FHDC1: variants seen among roughly 807,000 people sequenced by gnomAD.
The protein encoded by FHDC1 is FH2 domain containing 1, also known as FH2 domain-containing protein 1.
A neutral mutation model predicts 52.6 loss-of-function variants in FHDC1; 25 were observed. The observed-to-expected ratio is 0.48, with a 90% CI of 0.35 to 0.66. The LOEUF (loss-of-function observed/expected upper bound fraction) is 0.66, where lower values mean the gene tolerates loss of function less well. Among genes scored for constraint, FHDC1 ranks in the 30% least tolerant of loss-of-function variants. The probability of loss-of-function intolerance (pLI) is 0.01; values close to 1 mark genes in which losing one functional copy is unlikely to be tolerated. For synonymous variants in FHDC1, 616 were observed against 581.5 expected (o/e 1.06, Z -0.85); for missense variants, 1,459 against 1,452.8 (o/e 1.00, Z -0.07).
intron 2 of FHDC1, among the ~76,000 whole-genome samples, chr4:152,944,783 T>G (rs898988066): frequency 3.3e-5 from 5 of 152,264 alleles, no homozygotes; most frequent in Non-Finnish European, 7.3e-5. Context: ...GTGCCGTCAG[T>G]GCTGAACACA....
chr4:152,937,238 G>A (rs956051738), intron 1 of FHDC1, among the ~76,000 whole-genome samples: 1 of 152,200 alleles, frequency 6.6e-6, no homozygotes, highest in Non-Finnish European at 1.5e-5. Context: ...GACCTGGATG[G>A]GGGACGTGGG....
At position 152,943,278 on chromosome 4, in the gene FHDC1, C is replaced by T. The variant is rs1300736760; in HGVS notation, c.221C>T (p.Pro74Leu). ...PPLPGEPPIP[P>L]PPPGLPPTTH... ...CTTCCTGGGGAGCCTCCCATCCCACCTCCCCCACCAGGCCTACCCCCAACT... is the reference window on the plus strand; with the variant it reads ...CTTCCTGGGGAGCCTCCCATCCCACTTCCCCCACCAGGCCTACCCCCAACT... The change falls in exon 2 of 12, where the codon CCT (proline) becomes CTT (leucine). Residue 74 changes from proline to leucine, a missense_variant. This residue lies in a region of FHDC1 where 513 missense variants were observed against 581.5 expected (regional missense o/e 0.88). Transcript: ENST00000511601. The T allele has an allele frequency of 2.5e-6, 4 of 1,609,582 alleles. No individual in the cohort carries two copies. The African/African-American group carries it at 5.4e-5, about 22-fold the overall frequency.
Position 152,974,840 on chromosome 4 carries a change from C to G in FHDC1, c.1549C>G (p.Pro517Ala), listed in dbSNP as rs370081166. 1.4e-5 allele frequency: 23 copies of G among 1,599,208 alleles called. No individual in the cohort carries two copies. Among genetic ancestry groups the G allele is most frequent in the Non-Finnish European group, 1.8e-5 (21 of 1,170,204 alleles). ...CAAGAAGGGTGCAGAGGGCCTGCTC[C>G]CTTTCCTGCACCCCAGGCCCATCAG... ...LTKKGAEGLLPFLHPRPISPS... is the reference protein window; with the variant it reads ...LTKKGAEGLLAFLHPRPISPS... The change falls in exon 12 of 12, where the codon CCT becomes GCT. Residue 517 changes from proline (P) to alanine (A), a missense_variant. Physicochemically the swap from Pro to Ala is conservative, Grantham distance 27. Coordinates refer to ENST00000511601, the MANE Select transcript of FHDC1 (RefSeq NM_001371116.1).
At chr4:152,951,719 A>G (rs1040017526) in intron 2 of FHDC1, among the ~76,000 whole-genome samples, 2 of 152,194 alleles carry the variant, frequency 1.3e-5, no homozygotes, top group South Asian at 4.1e-4. Flanking sequence ...GAAGAGCATT[A>G]TAACAACATT....
chr4:152,963,507 G>T (rs1327901382), intron 8 of FHDC1, among the ~76,000 whole-genome samples: 2 of 152,150 alleles, frequency 1.3e-5, no homozygotes, highest in African/African-American at 2.4e-5. Flanking sequence ...GTGGAGGCTG[G>T]GTTAGAGTAG....
Position 152,943,234 on chromosome 4 carries a change from T to TCCCCCC in FHDC1, c.179_180insCCCCCC (p.Pro64_Pro65dup). On this transcript the variant is annotated inframe_insertion, in exon 2 of 12. Coordinates refer to ENST00000511601, the MANE Select transcript of FHDC1 (RefSeq NM_001371116.1). The stretch of plus-strand genomic sequence containing the variant: ...GGGAAGAGTGTCCTTCCTCCCCTCC[T>TCCCCCC]CCACCCCCACCACCTCCACTTCCTG... 1.1e-5 allele frequency: 12 copies of TCCCCCC among 1,107,458 alleles called. No homozygotes were observed. Among genetic ancestry groups the TCCCCCC allele is most frequent in the South Asian group, 6.8e-5 (5 of 73,504 alleles). The allele number at this position is 1,107,458 out of a possible 1,614,324, so 68.6% of individuals were successfully genotyped here.
chr4:152,927,949 G>C, the FHDC1 span: 1 of 1,467,108 alleles, frequency 6.8e-7, no homozygotes, highest in Non-Finnish European at 9.5e-7. Flanking sequence ...ACAACAGTGT[G>C]AAAAGACTGA....
chr4:152,928,216 T>C, the FHDC1 span: 1 of 752,160 alleles, frequency 1.3e-6, no homozygotes, highest in Non-Finnish European at 2.5e-6. Flanking sequence ...CTAGTTTCTC[T>C]GTCCTTACAC....
the FHDC1 span, chr4:152,911,747 G>C: frequency 1.3e-5 from 2 of 152,526 alleles, no homozygotes; most frequent in East Asian, 3.8e-4. Context: ...TAATGTGATT[G>C]TAAATCATAC....
chr4:152,972,257 CT>C (rs1429027264), intron 10 of FHDC1, 119 bp from the exon 11 acceptor site: 6 of 1,059,260 alleles, frequency 5.7e-6, no homozygotes, highest in Non-Finnish European at 7.9e-6. Context: ...ATAAACCTTC[CT>C]TTTCCAAGAC....
chr4:152,973,480 C>G (rs139320406), intron 11 of FHDC1, among the ~76,000 whole-genome samples: 1 of 152,216 alleles, frequency 6.6e-6, no homozygotes, highest in Non-Finnish European at 1.5e-5. Flanking sequence ...TGGTGGGTGT[C>G]AAGGCCAAGT....
At position 152,976,448 on chromosome 4, in the gene FHDC1, C is replaced by T. The variant is rs769364032; in HGVS notation, c.3157C>T (p.Pro1053Ser). 1.2e-6 allele frequency: 2 copies of T among 1,613,730 alleles called. No homozygotes were observed. Among genetic ancestry groups the T allele is most frequent in the Non-Finnish European group, 8.5e-7 (1 of 1,180,044 alleles). The change falls in exon 12 of 12, where the codon CCC (proline) becomes TCC (serine). Residue 1053 changes from proline to serine, a missense_variant. Around this residue, in one of 3 missense-constraint regions of FHDC1, gnomAD observed 939 missense variants for 854.5 expected, o/e 1.10. Transcript: ENST00000511601. The stretch of plus-strand genomic sequence containing the variant: ...TCGAAGCATGAGAACAGATCTTCCT[C>T]CCGTGGCCAAAGCCCCCGGCATCAC... Reference protein sequence around the residue: ...SSRSMRTDLPPVAKAPGITRT... With the variant: ...SSRSMRTDLPSVAKAPGITRT...
intron 10 of FHDC1, 152 bp from the exon 11 acceptor site, chr4:152,972,225 C>A: frequency 1.4e-6 from 1 of 703,496 alleles, no homozygotes; most frequent in Non-Finnish European, 2.2e-6. Flanking sequence ...TTCCTTTTGG[C>A]TCTGATTGCA....
the FHDC1 span, among the ~76,000 whole-genome samples, chr4:152,919,082 T>G: frequency 6.6e-6 from 1 of 152,280 alleles, no homozygotes; most frequent in East Asian, 1.9e-4. Flanking sequence ...GGTCACTCAA[T>G]GTTTTCAATA....
At chr4:152,914,581 G>A in the FHDC1 span, among the ~76,000 whole-genome samples, 2 of 152,194 alleles carry the variant, frequency 1.3e-5, no homozygotes, top group Non-Finnish European at 2.9e-5. Context: ...CAAAATCACA[G>A]TTTTGTTTGG....
At chr4:152,960,720 C>T (rs751586117) in intron 5 of FHDC1, 24 bp from the exon 6 acceptor site, 18 of 1,610,468 alleles carry the variant, frequency 1.1e-5, no homozygotes, top group Non-Finnish European at 1.4e-5. Context: ...TCAAATTCTA[C>T]AGTTTTACTT....
At chr4:152,953,396 C>A in intron 2 of FHDC1, 103 bp from the exon 3 acceptor site, 1 of 835,616 alleles carries the variant, frequency 1.2e-6, no homozygotes, top group Non-Finnish European at 1.9e-6. Context: ...GAATTATTCT[C>A]TGATAAATTA....
chr4:152,966,258 TGGAA>T lies in FHDC1; in HGVS notation c.1100+1286_1100+1289del, dbSNP rs568596683. Among the ~76,000 whole-genome samples the T allele has an allele frequency of 4.2e-3, 636 of 152,286 alleles. 2 individuals carry two copies. The highest frequency in any genetic ancestry group is 6.4e-3 in the Non-Finnish European group (438 of 68,016). The stretch of plus-strand genomic sequence containing the variant: ...ATTCAGCAAGCTTGTTTATTTGAAA[TGGAA>T]GGTGAAATACACTTGGGAAATACAA... On this transcript the variant is annotated intron_variant, in intron 9 of 11. Transcript: ENST00000511601.
At chr4:152,928,054 C>T in the FHDC1 span, 43 of 1,420,720 alleles carry the variant, frequency 3.0e-5, no homozygotes, top group Non-Finnish European at 4.2e-5. Context: ...TCCACTGCCC[C>T]TCTGCTGCAG....
Sources: allele counts gnomAD v4.1 joint callset (sites outside exome capture counted in the v4.1 genomes callset), GRCh38; gene constraint gnomAD v4.1.1; regional missense constraint gnomAD v4.1.1; transcripts MANE v1.5; gene names NCBI Gene and HGNC (gene_info 2026-07-23, HGNC 2026-07-21).